The following FCF1 variants were observed in gnomAD, a reference collection of about 807,000 sequenced individuals.
FCF1 encodes FCF1 rRNA-processing protein.
FCF1 carries 17 observed loss-of-function variants against 32.5 expected under a neutral mutation model. The ratio of observed to expected loss-of-function variants is 0.52; its 90% CI spans 0.36 to 0.78. FCF1 has a LOEUF of 0.78. Ranked by LOEUF, FCF1 falls within the 30% of genes least tolerant of loss-of-function variation. The pLI is 0.00. For synonymous variants in FCF1, 84 were observed against 78.4 expected, an observed-to-expected ratio of 1.07 and a Z score of -0.38; for missense variants, 201 against 241.1, an observed-to-expected ratio of 0.83 and a Z score of 1.10.
rs36025752 is a variant in FCF1 at position 74,723,276 on chromosome 14, C to A, written c.297C>A (p.Ile99=). Residue 99 remains isoleucine (I), a synonymous_variant, in exon 5 of 8, where the codon ATC becomes ATA. Transcript: ENST00000341162. ...SMMDCLYAKC[I]PCITDCVMAE... is the part of the protein sequence containing the mutation. ...GTGAATTTTTTTCCCTGGCAGGTAT[C>A]CCATGTATAACCGATTGTGTAATGG... 1.1e-3 allele frequency: 1,748 copies of A among 1,612,136 alleles called. 19 individuals carry two copies. The African/African-American group carries it at 0.021, about 19-fold the overall frequency.
At chr14:74,729,006 G>A (rs980051268) in intron 5 of FCF1, among the ~76,000 whole-genome samples, 38 of 152,144 alleles carry the variant, frequency 2.5e-4, no homozygotes, top group Admixed American at 7.9e-4. Flanking sequence ...TGATTTTCCC[G>A]TATTTTATTG....
intron 3 of FCF1, chr14:74,715,592 C>T (rs2090407197): frequency 5.6e-6 from 2 of 358,196 alleles, no homozygotes; most frequent in South Asian, 2.3e-5. Context: ...TTTTAGAATC[C>T]TTTAAGAATG....
chr14:74,732,829 T>C lies in FCF1; in HGVS notation c.453+11T>C. 6.6e-7 allele frequency: 1 copy of C among 1,504,578 alleles called. No homozygotes were observed. The allele number at this position is 1,504,578 out of a possible 1,614,324, so 93.2% of individuals were successfully genotyped here. On this transcript the variant is annotated intron_variant, in intron 6 of 7. Transcript: ENST00000341162. ...CAGAGAGTAACTCAGGTATTATCAG[T>C]TCATAACTGTTTACTTTGTGCTTAA...
rs560354208 is a variant in FCF1 at position 74,730,872 on chromosome 14, G to A, written c.366-1859G>A. Among the ~76,000 whole-genome samples, 8 of 152,270 alleles carry A rather than the reference G, an allele frequency of 5.3e-5. No individual in the cohort carries two copies. In the East Asian group the frequency reaches 1.5e-3, roughly 29 times the overall value. On this transcript the variant is annotated intron_variant, in intron 5 of 7. Coordinates refer to ENST00000341162, the MANE Select transcript of FCF1 (RefSeq NM_015962.5). ...AAATTAGCTGGGCATGGTGGCGCATGCCTGTAATCCCAGCTACTCAGGAGG... is the reference window on the plus strand; with the variant it reads ...AAATTAGCTGGGCATGGTGGCGCATACCTGTAATCCCAGCTACTCAGGAGG...
At chr14:74,716,594 G>C (rs935250759) in intron 4 of FCF1, among the ~76,000 whole-genome samples, 1 of 152,126 alleles carries the variant, frequency 6.6e-6, no homozygotes, top group African/African-American at 2.4e-5. Context: ...ATCTGAGGTA[G>C]TTTATTTACA....
intron 7 of FCF1, 143 bp downstream of exon 7, chr14:74,734,313 AAGCAAG>A (rs2090677872): frequency 1.3e-5 from 7 of 553,314 alleles, no homozygotes; most frequent in East Asian, 2.9e-5. Flanking sequence ...AAATGAGACA[AAGCAAG>A]AGCAAGAGCA....
At chr14:74,724,368 C>T (rs879706918) in intron 5 of FCF1, among the ~76,000 whole-genome samples, 2 of 152,128 alleles carry the variant, frequency 1.3e-5, no homozygotes, top group Admixed American at 6.5e-5. Flanking sequence ...ACTGCAGCCT[C>T]GACCTCCTGG....
Position 74,735,340 on chromosome 14 carries a change from AAGG to A in FCF1, c.*416_*418del. The A allele has an allele frequency of 6.5e-6, 1 of 154,172 alleles. No individual in the cohort carries two copies. Among genetic ancestry groups the A allele is most frequent in the East Asian group, 1.9e-4 (1 of 5,268 alleles). 9.6% of individuals were successfully genotyped at this position (154,172 alleles called of 1,614,324 possible). A position where few individuals can be genotyped will look rare whatever the true frequency, so the allele number is the denominator to read the frequency against. The stretch of plus-strand genomic sequence containing the variant: ...AACAGGGTATTTACAATGCCTGGGA[AAGG>A]AGGAGAGATAAGGCTCACTAGCCAC... On this transcript the variant is annotated 3_prime_UTR_variant, in exon 8 of 8. Coordinates refer to ENST00000341162, the MANE Select transcript of FCF1 (RefSeq NM_015962.5).
chr14:74,730,604 C>T (rs1215489508), intron 5 of FCF1, among the ~76,000 whole-genome samples: 3 of 152,070 alleles, frequency 2.0e-5, no homozygotes, highest in African/African-American at 7.2e-5. Flanking sequence ...ATCCCAGCTA[C>T]TAGGGATGCT....
chr14:74,731,891 G>A (rs1271908630), intron 5 of FCF1, among the ~76,000 whole-genome samples: 1 of 152,136 alleles, frequency 6.6e-6, no homozygotes, highest in African/African-American at 2.4e-5. Context: ...ATGGCTCTCA[G>A]AATCACACAG....
chr14:74,734,404 G>A (rs1431943230), intron 7 of FCF1, among the ~76,000 whole-genome samples: 1 of 151,836 alleles, frequency 6.6e-6, no homozygotes, highest in Non-Finnish European at 1.5e-5. Flanking sequence ...AGAAATAGAC[G>A]TATTGTTTTA....
chr14:74,721,906 A>C lies in FCF1; in HGVS notation c.293-1366A>C, dbSNP rs902612852. On this transcript the variant is annotated intron_variant, in intron 4 of 7. Transcript: ENST00000341162. ...CTAAGAGTGTATTTCTTTAGGATACATTGTCTGGAAGCTGTATTATGTATC... is the reference window on the plus strand; with the variant it reads ...CTAAGAGTGTATTTCTTTAGGATACCTTGTCTGGAAGCTGTATTATGTATC... Among the ~76,000 whole-genome samples, 8 of 152,178 alleles carry C rather than the reference A, an allele frequency of 5.3e-5. No homozygotes were observed. In the East Asian group the frequency reaches 1.5e-3, roughly 29 times the overall value.
intron 5 of FCF1, among the ~76,000 whole-genome samples, chr14:74,731,301 A>G (rs2090634449): frequency 6.6e-6 from 1 of 152,188 alleles, no homozygotes. Context: ...ATATGACAGC[A>G]TGTTAGTATG....
At chr14:74,728,640 T>C (rs1366955145) in intron 5 of FCF1, among the ~76,000 whole-genome samples, 1 of 151,864 alleles carries the variant, frequency 6.6e-6, no homozygotes, top group Non-Finnish European at 1.5e-5. Context: ...AACACTATGT[T>C]GAATAGGAGT....
intron 5 of FCF1, among the ~76,000 whole-genome samples, chr14:74,728,133 A>T (rs1408098494): frequency 6.6e-6 from 1 of 152,056 alleles, no homozygotes; most frequent in African/African-American, 2.4e-5. Flanking sequence ...TTTTCCAATT[A>T]TGTGAAGAAA....
chr14:74,730,557 T>A (rs1249369279), intron 5 of FCF1, among the ~76,000 whole-genome samples: 1 of 151,962 alleles, frequency 6.6e-6, no homozygotes, highest in Non-Finnish European at 1.5e-5. Context: ...CTGCTAAAAA[T>A]ACAAAAATTA....
chr14:74,717,957 C>T (rs569643296), intron 4 of FCF1, among the ~76,000 whole-genome samples: 33 of 152,270 alleles, frequency 2.2e-4, no homozygotes, highest in African/African-American at 7.0e-4. Context: ...TCACTGCGAC[C>T]TCCGCCTCCC....
At chr14:74,728,273 A>G (rs1484260291) in intron 5 of FCF1, among the ~76,000 whole-genome samples, 1 of 152,008 alleles carries the variant, frequency 6.6e-6, no homozygotes, top group East Asian at 1.9e-4. Flanking sequence ...GTCCTCTTTT[A>G]TTTCATTGAG....
intron 4 of FCF1, among the ~76,000 whole-genome samples, chr14:74,721,228 G>A (rs2090498196): frequency 1.3e-5 from 2 of 151,988 alleles, no homozygotes; most frequent in South Asian, 2.1e-4. Context: ...TGTATTTTTA[G>A]TAGAGATGAG....
Sources: gnomAD v4.1 joint callset for allele counts (sites outside exome capture counted in the v4.1 genomes callset) on GRCh38, gnomAD v4.1.1 for gene constraint, MANE v1.5 for transcripts, NCBI Gene and HGNC (gene_info 2026-07-23, HGNC 2026-07-21) for gene names.